Variants in NT5C3B observed in about 807,000 individuals in gnomAD.
The protein encoded by NT5C3B is 7-methylguanosine phosphate-specific 5'-nucleotidase.
In NT5C3B, 28 loss-of-function variants were observed where a neutral mutation model predicts 32.5. The ratio of observed to expected loss-of-function variants is 0.86; its 90% CI spans 0.64 to 1.18. NT5C3B has a LOEUF of 1.18. NT5C3B is among the 50% of genes most tolerant of loss of function. The pLI, the probability that NT5C3B is intolerant of heterozygous loss-of-function variation, is 0.00. For synonymous variants in NT5C3B, 138 were observed against 118.0 expected (o/e 1.17, Z -1.10); for missense variants, 317 against 322.0 (o/e 0.98, Z 0.12).
At position 41,827,438 on chromosome 17, in the gene NT5C3B, G is replaced by A; in HGVS notation, c.756C>T (p.Phe252=). Residue 252 remains phenylalanine (F), a synonymous_variant, in exon 8 of 9, where the codon TTC becomes TTT. Transcript: ENST00000435506. ...PGVQNILKIG[F]LNDKVEERRE... ...GTCCTCTACCCACCTTGTCATTCAG[G>A]AAGCCAATTTTGAGAATGTTCTGCA... 1.1e-6 allele frequency: 1 copy of A among 872,802 alleles called. No homozygotes were observed. The highest frequency in any genetic ancestry group is 2.0e-6 in the Non-Finnish European group (1 of 501,688). The allele number at this position is 872,802 out of a possible 1,614,324, so 54.1% of individuals were successfully genotyped here.
chr17:41,828,331 G>T (rs575003129), intron 7 of NT5C3B: 1 of 155,968 alleles, frequency 6.4e-6, no homozygotes, highest in African/African-American at 2.4e-5. Flanking sequence ...TCCTTTGAAA[G>T]TTTTTTTGTT....
At chr17:41,835,836 GC>G in intron 2 of NT5C3B, 22 bp downstream of exon 2, 3 of 1,588,920 alleles carry the variant, frequency 1.9e-6, no homozygotes, top group Non-Finnish European at 2.6e-6. Context: ...AGCCCGGCCG[GC>G]CCCCGCACGC....
At chr17:41,833,400 T>C (rs1433543350) in intron 4 of NT5C3B, among the ~76,000 whole-genome samples, 1 of 152,032 alleles carries the variant, frequency 6.6e-6, no homozygotes, top group Non-Finnish European at 1.5e-5. Flanking sequence ...CACTGCAACC[T>C]CCGCCTCCCG....
intron 8 of NT5C3B, among the ~76,000 whole-genome samples, chr17:41,826,356 TA>T (rs1555618181): frequency 1.3e-5 from 2 of 152,090 alleles, no homozygotes; most frequent in African/African-American, 4.8e-5. Flanking sequence ...CCTGAGTAAC[TA>T]GAACTACAGG....
chr17:41,827,002 A>T (rs1157050230), intron 8 of NT5C3B, among the ~76,000 whole-genome samples: 15 of 146,928 alleles, frequency 1.0e-4, no homozygotes, highest in Non-Finnish European at 7.6e-5. Flanking sequence ...TCTATCTCAA[A>T]AAAAAAAAAA....
Position 41,835,912 on chromosome 17 carries a change from G to T in NT5C3B, c.58C>A (p.Arg20=). 6.2e-7 allele frequency: 1 copy of T among 1,606,310 alleles called. No homozygotes were observed. The highest frequency in any genetic ancestry group is 2.2e-5 in the East Asian group (1 of 44,644). The stretch of plus-strand genomic sequence containing the variant: ...AGGGCGCCCACGATCTCCTGCACCC[G>T]CCCAGGCTGCCGCATCAGGACCGTG... ...KATVLMRQPG[R]VQEIVGALRK... Residue 20 remains arginine (R), a synonymous_variant, in exon 2 of 9, where the codon CGG becomes AGG. Coordinates refer to ENST00000435506, the MANE Select transcript of NT5C3B (RefSeq NM_052935.5).
chr17:41,835,864 A>G lies in NT5C3B; in HGVS notation c.106T>C (p.Leu36=). The part of the protein sequence containing the change: ...GALRKGGGDR[L]QVISDFDMTL... ...CCCGCACGCCCCAGAGGTACCTGTA[A>G]CCGGTCTCCGCCGCCCTTGCGGAGG... is the stretch of plus-strand genomic sequence containing the variant. The change falls in exon 2 of 9, where the codon TTA becomes CTA. Residue 36 remains leucine, a synonymous_variant. Transcript: ENST00000435506. 1 of 1,608,052 alleles carries G rather than the reference A, an allele frequency of 6.2e-7. No individual in the cohort carries two copies.
intron 4 of NT5C3B, among the ~76,000 whole-genome samples, chr17:41,834,652 G>A (rs1161176139): frequency 1.3e-5 from 2 of 152,056 alleles, no homozygotes; most frequent in Non-Finnish European, 2.9e-5. Flanking sequence ...GTAGGGCTGA[G>A]GCAGGAGGAT....
In NT5C3B at chr17:41,828,793, T is replaced by G; in HGVS notation, c.564A>C (p.Glu188Asp). ...GCCCAAACAGGATTTGGCTCACATCTTCATTAAAATCCATGTAGTTAGACA... is the reference window on the plus strand; with the variant it reads ...GCCCAAACAGGATTTGGCTCACATCGTCATTAAAATCCATGTAGTTAGACA... Reference protein sequence around the residue: ...HIVSNYMDFNEDGFLQGFKGQ... With the variant: ...HIVSNYMDFNDDGFLQGFKGQ... Residue 188 changes from glutamate to aspartate, a missense_variant, in exon 7 of 9, where the codon GAA (glutamate) becomes GAC (aspartate). Transcript: ENST00000435506. 1 of 1,612,794 alleles carries G rather than the reference T, an allele frequency of 6.2e-7. No individual in the cohort carries two copies.
In NT5C3B at chr17:41,833,042, G is replaced by A. The variant is rs187016806; in HGVS notation, c.229-565C>T. On this transcript the variant is annotated intron_variant, in intron 4 of 8. Transcript: ENST00000435506. ...TTACCCATTTGGTGAAGTCCAGGGAGCACCTGGATCCACAGAGCTGGTCAT... is the reference window on the plus strand; with the variant it reads ...TTACCCATTTGGTGAAGTCCAGGGAACACCTGGATCCACAGAGCTGGTCAT... 1.8e-4 allele frequency among the ~76,000 whole-genome samples: 27 copies of A among 152,296 alleles called. No homozygotes were observed. In the East Asian group the frequency reaches 4.8e-3, roughly 27 times the overall value.
At chr17:41,836,084 T>C in intron 1 of NT5C3B, 98 bp downstream of exon 1, 1 of 1,356,506 alleles carries the variant, frequency 7.4e-7, no homozygotes, top group South Asian at 2.0e-5. Flanking sequence ...CTGGCCTGGG[T>C]GAAGCGGCGG....
rs1555618402 is a variant in NT5C3B, at chr17:41,827,538, A to T, written c.656T>A (p.Leu219His). Residue 219 changes from leucine to histidine, a missense_variant, in exon 8 of 9, where the codon CTT becomes CAT. Coordinates refer to ENST00000435506, the MANE Select transcript of NT5C3B (RefSeq NM_052935.5). ...ACENSGYFQQ[L>H]EGKTNVILLG... ...CAGGATGACATTGGTTTTGCCCTCA[A>T]GTTGCTGGAAGTAACCAGAGTTCTC... 1 of 872,756 alleles carries T rather than the reference A, an allele frequency of 1.1e-6. No homozygotes were observed. Among genetic ancestry groups the T allele is most frequent in the Middle Eastern group, 2.2e-4 (1 of 4,612 alleles). The allele number at this position is 872,756 out of a possible 1,614,324, so 54.1% of individuals were successfully genotyped here. A position where few individuals can be genotyped will look rare whatever the true frequency, so the allele number is the denominator to read the frequency against.
At chr17:41,830,081 A>G (rs1161246521) in intron 6 of NT5C3B, among the ~76,000 whole-genome samples, 1 of 152,166 alleles carries the variant, frequency 6.6e-6, no homozygotes, top group African/African-American at 2.4e-5. Context: ...TTCCTCCAGA[A>G]AAGAAATCTC....
rs781997906 is a variant in NT5C3B at position 41,835,814 on chromosome 17, C to T, written c.111+45G>A. On this transcript the variant is annotated intron_variant, in intron 2 of 8. Coordinates refer to ENST00000435506, the MANE Select transcript of NT5C3B (RefSeq NM_052935.5). Reference sequence around the variant, plus strand: ...AAGGCCCAATGGGCAGGAAGCCTCTCCAGCCGCCCCCAGCCCGGCCGGCCC... The same window carrying T: ...AAGGCCCAATGGGCAGGAAGCCTCTTCAGCCGCCCCCAGCCCGGCCGGCCC... 49 of 1,542,762 alleles carry T rather than the reference C, an allele frequency of 3.2e-5. No homozygotes were observed. In the East Asian group the frequency reaches 1.0e-3, roughly 32 times the overall value.
intron 5 of NT5C3B, 66 bp downstream of exon 5, chr17:41,832,326 A>C: frequency 1.5e-6 from 2 of 1,373,372 alleles, no homozygotes; most frequent in South Asian, 2.3e-5. Context: ...GGTCTGGAAA[A>C]ATATGCCCCT....
chr17:41,835,834 C>T (rs1555619844), intron 2 of NT5C3B, 25 bp downstream of exon 2: 2 of 1,586,758 alleles, frequency 1.3e-6, no homozygotes, highest in Non-Finnish European at 8.6e-7. Context: ...CCAGCCCGGC[C>T]GGCCCCCGCA....
rs562582401 is a variant in NT5C3B, at chr17:41,825,347, G to A, written c.*176C>T. On this transcript the variant is annotated 3_prime_UTR_variant, in exon 9 of 9. Transcript: ENST00000435506. ...CAGTGCCTGTGCCCTGCCACATGGC[G>A]GGGTTCCTTCAAGCCTCTGGTGATG... The A allele has an allele frequency of 1.2e-5, 7 of 584,964 alleles. No individual in the cohort carries two copies. Among genetic ancestry groups the A allele is most frequent in the East Asian group, 5.6e-5 (2 of 35,834 alleles). 36.2% of individuals were successfully genotyped at this position (584,964 alleles called of 1,614,324 possible). A position where few individuals can be genotyped will look rare whatever the true frequency, so the allele number is the denominator to read the frequency against.
At position 41,836,228 on chromosome 17, in the gene NT5C3B, A is replaced by G. The variant is rs2048156872; in HGVS notation, c.-35T>C. 9.0e-7 allele frequency: 1 copy of G among 1,113,720 alleles called. No individual in the cohort carries two copies. Among genetic ancestry groups the G allele is most frequent in the Non-Finnish European group, 1.1e-6 (1 of 916,016 alleles). 69.0% of individuals were successfully genotyped at this position (1,113,720 alleles called of 1,614,324 possible). A position where few individuals can be genotyped will look rare whatever the true frequency, so the allele number is the denominator to read the frequency against. Reference sequence around the variant, plus strand: ...GGCCTGGTCGGCGGCTCGCGGGACAACGACAGCCCCGCGACCGCACTGCGC... The same window carrying G: ...GGCCTGGTCGGCGGCTCGCGGGACAGCGACAGCCCCGCGACCGCACTGCGC... On this transcript the variant is annotated 5_prime_UTR_variant, in exon 1 of 9. Transcript: ENST00000435506.
At chr17:41,826,671 T>C (rs2047969670) in intron 8 of NT5C3B, among the ~76,000 whole-genome samples, 1 of 151,792 alleles carries the variant, frequency 6.6e-6, no homozygotes, top group Non-Finnish European at 1.5e-5. Flanking sequence ...TGAGATTCCA[T>C]CTCAAAATAA....
Sources: gnomAD v4.1 joint callset for allele counts (sites outside exome capture counted in the v4.1 genomes callset) on GRCh38, gnomAD v4.1.1 for gene constraint, MANE v1.5 for transcripts, NCBI Gene and HGNC (gene_info 2026-07-23, HGNC 2026-07-21) for gene names.